The following NEK11 variants were observed in gnomAD, a reference collection of about 807,000 sequenced individuals.
The protein encoded by NEK11 is NIMA related kinase 11, also known as serine/threonine-protein kinase Nek11.
A neutral mutation model predicts 80.7 loss-of-function variants in NEK11; 72 were observed. That is an observed-to-expected ratio of 0.89 (90% confidence interval 0.74 to 1.08). The LOEUF (loss-of-function observed/expected upper bound fraction) is 1.08, where lower values mean the gene tolerates loss of function less well. Ranked by LOEUF, NEK11 falls within the 50% of genes least tolerant of loss-of-function variation. The probability of loss-of-function intolerance (pLI) is 0.00; values close to 1 mark genes in which losing one functional copy is unlikely to be tolerated. For synonymous variants in NEK11, 251 were observed against 260.7 expected (o/e 0.96, Z 0.36); for missense variants, 764 against 763.6 (o/e 1.00, Z -0.01).
intron 16 of NEK11, among the ~76,000 whole-genome samples, chr3:131,263,564 A>T (rs2095977476): frequency 6.6e-6 from 1 of 151,346 alleles, no homozygotes; most frequent in African/African-American, 2.4e-5. Flanking sequence ...TTTTTGTTTG[A>T]TTTTCTGTCC....
chr3:131,229,218 C>CT, intron 15 of NEK11, among the ~76,000 whole-genome samples: 1 of 152,100 alleles, frequency 6.6e-6, no homozygotes, highest in Non-Finnish European at 1.5e-5. Context: ...GGTGAAGTCT[C>CT]TGAGTATATG....
chr3:131,083,997 G>C (rs1181461132), intron 4 of NEK11, among the ~76,000 whole-genome samples: 1 of 152,002 alleles, frequency 6.6e-6, no homozygotes. Context: ...CTTCCTCCTA[G>C]TCCCACATCT....
intron 3 of NEK11, among the ~76,000 whole-genome samples, chr3:131,073,817 C>A (rs1290642032): frequency 6.6e-6 from 1 of 152,160 alleles, no homozygotes; most frequent in Non-Finnish European, 1.5e-5. Flanking sequence ...ATGGACTCAG[C>A]CTCCAACTGC....
At chr3:131,200,084 A>G (rs1430885515) in intron 14 of NEK11, among the ~76,000 whole-genome samples, 1 of 152,198 alleles carries the variant, frequency 6.6e-6, no homozygotes, top group African/African-American at 2.4e-5. Context: ...ACAACCAAAG[A>G]TGTAGAGATT....
At chr3:131,285,299 AG>A (rs11292908) in intron 17 of NEK11, among the ~76,000 whole-genome samples, 6,448 of 152,274 alleles carry the variant, frequency 0.042, 436 homozygotes, top group African/African-American at 0.14. Context: ...TAGAGAGAGA[AG>A]GTGGGCTGTG....
intron 15 of NEK11, among the ~76,000 whole-genome samples, chr3:131,234,825 C>CT (rs1160129323): frequency 1.3e-5 from 2 of 150,500 alleles, no homozygotes; most frequent in South Asian, 2.1e-4. Context: ...ATATACTATT[C>CT]TTTTTTTTTC....
intron 15 of NEK11, among the ~76,000 whole-genome samples, chr3:131,240,763 A>G (rs1464550342): frequency 1.3e-5 from 2 of 152,142 alleles, no homozygotes; most frequent in African/African-American, 2.4e-5. Flanking sequence ...ATGAAGTGAC[A>G]CAGTTTTTTT....
At chr3:131,072,578 G>A (rs555513186) in intron 3 of NEK11, among the ~76,000 whole-genome samples, 1 of 152,270 alleles carries the variant, frequency 6.6e-6, no homozygotes, top group South Asian at 2.1e-4. Flanking sequence ...TTGACCATTT[G>A]TCTCAGGTTG....
chr3:131,121,650 G>A (rs1160048139), intron 5 of NEK11, among the ~76,000 whole-genome samples: 2 of 152,184 alleles, frequency 1.3e-5, no homozygotes, highest in African/African-American at 4.8e-5. Context: ...TGAGCTTCCA[G>A]GCCACTTTGT....
At chr3:131,209,420 A>T (rs1382987647) in intron 14 of NEK11, among the ~76,000 whole-genome samples, 1 of 152,160 alleles carries the variant, frequency 6.6e-6, no homozygotes, top group Admixed American at 6.5e-5. Context: ...TTCATCAGGA[A>T]TATTGGTCTA....
chr3:131,117,737 C>G (rs1158842583), intron 5 of NEK11, among the ~76,000 whole-genome samples: 2 of 152,084 alleles, frequency 1.3e-5, no homozygotes, highest in Non-Finnish European at 2.9e-5. Flanking sequence ...CTCTTTGAAG[C>G]AATTGTGAAT....
chr3:131,160,461 C>T (rs1320074326), intron 10 of NEK11, among the ~76,000 whole-genome samples: 2 of 152,160 alleles, frequency 1.3e-5, no homozygotes, highest in Non-Finnish European at 2.9e-5. Flanking sequence ...CCATTACCAG[C>T]CACTACTGGT....
intron 10 of NEK11, among the ~76,000 whole-genome samples, chr3:131,162,135 T>A (rs1399723168): frequency 6.6e-6 from 1 of 152,208 alleles, no homozygotes; most frequent in African/African-American, 2.4e-5. Context: ...CTAATTTGTT[T>A]TACATTATGA....
chr3:131,168,689 C>G, intron 12 of NEK11, 141 bp from the exon 13 acceptor site: 2 of 586,728 alleles, frequency 3.4e-6, no homozygotes, highest in Non-Finnish European at 6.0e-6. Context: ...TCTGCTAATT[C>G]CTATGCTGCT....
intron 17 of NEK11, among the ~76,000 whole-genome samples, chr3:131,332,217 C>A (rs185265673): frequency 1.3e-5 from 2 of 152,354 alleles, no homozygotes; most frequent in Admixed American, 1.3e-4. Flanking sequence ...AGGCACCCCC[C>A]AGTAGGGGCA....
At chr3:131,238,698 C>A (rs1381540135) in intron 15 of NEK11, among the ~76,000 whole-genome samples, 3 of 152,050 alleles carry the variant, frequency 2.0e-5, no homozygotes, top group Admixed American at 2.0e-4. Flanking sequence ...AGAGAGGGAA[C>A]AGAGAGTGAG....
chr3:131,076,326 T>C (rs991332388), intron 3 of NEK11, among the ~76,000 whole-genome samples: 1 of 152,162 alleles, frequency 6.6e-6, no homozygotes, highest in Non-Finnish European at 1.5e-5. Context: ...AGCAAAAAGA[T>C]TGTAAGGAAA....
chr3:131,177,117 T>C (rs1289014548), intron 14 of NEK11, among the ~76,000 whole-genome samples: 1 of 152,224 alleles, frequency 6.6e-6, no homozygotes, highest in Admixed American at 6.5e-5. Flanking sequence ...TTATTTTCCA[T>C]GCATGCAGGT....
intron 17 of NEK11, among the ~76,000 whole-genome samples, chr3:131,332,922 G>T (rs1394577686): frequency 1.3e-5 from 2 of 152,112 alleles, no homozygotes; most frequent in Non-Finnish European, 2.9e-5. Flanking sequence ...AGAGAAAAAA[G>T]AATAAAAAGA....
Sources: allele counts gnomAD v4.1 joint callset (sites outside exome capture counted in the v4.1 genomes callset), GRCh38; gene constraint gnomAD v4.1.1; transcripts MANE v1.5; gene names NCBI Gene and HGNC (gene_info 2026-07-23, HGNC 2026-07-21).